The following KLK8 variants were observed in gnomAD, a reference collection of about 807,000 sequenced individuals.
KLK8 encodes the protein kallikrein related peptidase 8.
A neutral mutation model predicts 26.7 loss-of-function variants in KLK8; 18 were observed. The observed-to-expected ratio is 0.67, with a 90% CI of 0.47 to 1.00. The LOEUF (loss-of-function observed/expected upper bound fraction) is 1.00. Ranked by LOEUF, KLK8 falls within the 50% of genes least tolerant of loss-of-function variation. KLK8 has a pLI of 0.00. For synonymous variants in KLK8, 137 were observed against 127.1 expected, an observed-to-expected ratio of 1.08 and a Z score of -0.52; for missense variants, 301 against 331.7, an observed-to-expected ratio of 0.91 and a Z score of 0.72.
chr19:50,997,844 G>T, exon 6 of KLK8: 1 of 1,614,182 alleles, frequency 6.2e-7, no homozygotes, highest in Non-Finnish European at 8.5e-7. Context: ...TCTGGGGAAA[G>T]ATTTTTACTT....
Position 50,997,916 on chromosome 19 carries a change from G to A in KLK8, c.494-32C>T, listed in dbSNP as rs547265901. ...GGGAAGAGGTTGTAAGGTTCCCTGAGAGAGCAGCCCTTTGCCTCCATCCCT... is the reference window on the plus strand; with the variant it reads ...GGGAAGAGGTTGTAAGGTTCCCTGAAAGAGCAGCCCTTTGCCTCCATCCCT... On this transcript the variant is annotated intron_variant, in intron 5 of 6. Transcript: ENST00000600767. 1.9e-5 allele frequency: 31 copies of A among 1,612,474 alleles called. No individual in the cohort carries two copies. The South Asian group carries it at 3.1e-4, about 16-fold the overall frequency.
At chr19:51,001,113 C>A (rs773148785) in exon 3 of KLK8, 8 of 1,612,820 alleles carry the variant, frequency 5.0e-6, no homozygotes, top group African/African-American at 1.3e-5. Context: ...CAGGCTCCCC[C>A]CAGCAAGAGC....
chr19:51,001,516 T>G lies in KLK8; in HGVS notation c.-9+16A>C. The G allele has an allele frequency of 3.8e-6, 1 of 265,864 alleles. No individual in the cohort carries two copies. 16.5% of individuals were successfully genotyped at this position (265,864 alleles called of 1,614,324 possible). On this transcript the variant is annotated intron_variant, in intron 2 of 6. Coordinates refer to ENST00000600767, the Ensembl canonical transcript of KLK8. ...CCGGGGCCTGATGTCTGTATCTGAG[T>G]ACCTCTGCACCTCACCTTCCAGAAT...
intron 5 of KLK8, among the ~76,000 whole-genome samples, chr19:50,999,786 A>G (rs761203614): frequency 1.3e-5 from 2 of 151,858 alleles, no homozygotes; most frequent in Non-Finnish European, 2.9e-5. Flanking sequence ...GGCCCTGCTT[A>G]ACAATCTGCT....
At chr19:50,998,029 A>G in intron 5 of KLK8, 145 bp from the exon 5 acceptor site, 1 of 923,170 alleles carries the variant, frequency 1.1e-6, no homozygotes, top group Non-Finnish European at 1.7e-6. Context: ...TGCACAGGGG[A>G]CATCACTTCT....
chr19:51,000,287 A>G (rs371160395), intron 4 of KLK8, 29 bp from the exon 4 acceptor site: 51 of 1,555,156 alleles, frequency 3.3e-5, no homozygotes, highest in African/African-American at 5.4e-5. Context: ...TTTGGGACCC[A>G]GGCAGGGGTA....
At chr19:51,000,844 C>T (rs572624848) in intron 3 of KLK8, 5 of 1,008,386 alleles carry the variant, frequency 5.0e-6, no homozygotes, top group East Asian at 5.3e-5. Context: ...ATCTATGCCC[C>T]CAAGCAAGCA....
At chr19:50,998,002 G>T in intron 5 of KLK8, 118 bp from the exon 5 acceptor site, 1 of 1,272,182 alleles carries the variant, frequency 7.9e-7, no homozygotes, top group Non-Finnish European at 1.1e-6. Flanking sequence ...GCTGCATGGG[G>T]GAATTTTCTG....
chr19:51,000,941 A>C (rs56707394), intron 3 of KLK8, among the ~76,000 whole-genome samples, 157 bp downstream of exon 2: 6,551 of 152,160 alleles, frequency 0.043, 271 homozygotes, highest in African/African-American at 0.11. Flanking sequence ...GCCTCTGTCC[A>C]CCCTGAGGAA....
exon 5 of KLK8, chr19:51,000,102 C>T (rs771272333): frequency 3.1e-6 from 5 of 1,613,980 alleles, no homozygotes; most frequent in Non-Finnish European, 4.2e-6. Flanking sequence ...CCAGGGATGC[C>T]TGGTCACGCA....
chr19:50,997,356 C>G (rs78240031), intron 6 of KLK8, among the ~76,000 whole-genome samples: 3,034 of 152,162 alleles, frequency 0.02, 54 homozygotes, highest in Non-Finnish European at 0.027. Flanking sequence ...AAGTGGCTGA[C>G]CACCGGGCCG....
At chr19:50,999,487 G>A (rs371559490) in intron 5 of KLK8, among the ~76,000 whole-genome samples, 6 of 147,564 alleles carry the variant, frequency 4.1e-5, no homozygotes, top group Admixed American at 7.0e-5. Flanking sequence ...GCTGAGGTTC[G>A]AGAATCGCTT....
chr19:50,996,527 G>A (rs547499835), intron 6 of KLK8, among the ~76,000 whole-genome samples: 31 of 152,180 alleles, frequency 2.0e-4, no homozygotes, highest in East Asian at 1.4e-3. Context: ...GAAGTCAGGC[G>A]TTCCAGACCA....
rs1045343050 is a variant in KLK8 at position 51,000,984 on chromosome 19, C to T, written c.70+114G>A. 3 of 1,051,352 alleles carry T rather than the reference C, an allele frequency of 2.9e-6. No individual in the cohort carries two copies. The African/African-American group carries it at 4.7e-5, about 16-fold the overall frequency. 65.1% of individuals were successfully genotyped at this position (1,051,352 alleles called of 1,614,324 possible). A position where few individuals can be genotyped will look rare whatever the true frequency, so the allele number is the denominator to read the frequency against. ...AGAGGCTCCTGCACCGTATCGCACT[C>T]TTCACATCCGTGCACACGCACCCAC... On this transcript the variant is annotated intron_variant, in intron 3 of 6. Transcript: ENST00000600767.
At chr19:50,999,501 C>T (rs1390244624) in intron 5 of KLK8, among the ~76,000 whole-genome samples, 1 of 143,526 alleles carries the variant, frequency 7.0e-6, no homozygotes, top group African/African-American at 2.6e-5. Flanking sequence ...ATCGCTTAAA[C>T]CCAGGAGGCA....
rs2091184969 is a variant in KLK8, at chr19:50,997,844, G to C, written c.534C>G (p.Ile178Met). 3 of 1,614,064 alleles carry C rather than the reference G, an allele frequency of 1.9e-6. No individual in the cohort carries two copies. In the African/African-American group the frequency reaches 4.0e-5, roughly 22 times the overall value. Residue 178 changes from isoleucine (I) to methionine (M), a missense_variant, in exon 6 of 7, where the codon ATC becomes ATG. Transcript: ENST00000600767. ...CATCCTCACACTTCTTCTGGGGAAA[G>C]ATTTTTACTTCTGCACAGTTGAGAG...
exon 5 of KLK8, chr19:51,000,192 A>G: frequency 6.2e-7 from 1 of 1,609,336 alleles, no homozygotes; most frequent in Non-Finnish European, 8.5e-7. Context: ...ACTGAACCAC[A>G]GGTATTTCTT....
intron 5 of KLK8, among the ~76,000 whole-genome samples, chr19:50,998,264 G>A (rs2122319476): frequency 1.3e-5 from 2 of 152,202 alleles, no homozygotes; most frequent in South Asian, 4.1e-4. Flanking sequence ...CCTTCCAAGT[G>A]TCACCTCCTC....
intron 6 of KLK8, 145 bp downstream of exon 5, chr19:50,997,606 C>T: frequency 5.5e-6 from 5 of 915,232 alleles, no homozygotes; most frequent in South Asian, 1.7e-5. Flanking sequence ...CTGAACCTGG[C>T]TCCCAATCCG....
Sources: allele counts gnomAD v4.1 joint callset (sites outside exome capture counted in the v4.1 genomes callset), GRCh38; gene constraint gnomAD v4.1.1; transcripts MANE v1.5; gene names NCBI Gene and HGNC (gene_info 2026-07-23, HGNC 2026-07-21).